Variants in SORBS2 observed in about 807,000 individuals in gnomAD.
SORBS2 encodes sorbin and SH3 domain containing 2, also known as sorbin and SH3 domain-containing protein 2.
Under a neutral mutation model 97.7 loss-of-function variants are expected in SORBS2, and 46 were observed. The observed-to-expected ratio is 0.47, with a 90% CI of 0.37 to 0.60. The LOEUF (loss-of-function observed/expected upper bound fraction) is 0.60, where lower values mean the gene tolerates loss of function less well. Ranked by LOEUF, SORBS2 falls within the 20% of genes least tolerant of loss-of-function variation. The probability of loss-of-function intolerance (pLI) is 0.00; values close to 1 mark genes in which losing one functional copy is unlikely to be tolerated. For synonymous variants in SORBS2, 476 were observed against 473.4 expected (o/e 1.01, Z -0.07); for missense variants, 1,316 against 1,282.3 (o/e 1.03, Z -0.40).
chr4:185,848,336 G>A (rs927858439), intron 1 of SORBS2, among the ~76,000 whole-genome samples: 1 of 152,116 alleles, frequency 6.6e-6, no homozygotes, highest in Non-Finnish European at 1.5e-5. Flanking sequence ...AGAAGTAAAA[G>A]TTATTGGACA....
intron 2 of SORBS2, among the ~76,000 whole-genome samples, chr4:185,758,195 C>T (rs2098842304): frequency 6.6e-6 from 1 of 152,214 alleles, no homozygotes; most frequent in Non-Finnish European, 1.5e-5. Context: ...TTACACTTGA[C>T]TTTTTAAAAT....
chr4:185,727,358 C>G (rs1161801552), intron 2 of SORBS2, among the ~76,000 whole-genome samples: 1 of 152,156 alleles, frequency 6.6e-6, no homozygotes, highest in Non-Finnish European at 1.5e-5. Flanking sequence ...GATTTACCTT[C>G]AAAGTAACAA....
At chr4:185,881,670 T>C (rs2099236951) in intron 1 of SORBS2, among the ~76,000 whole-genome samples, 1 of 152,094 alleles carries the variant, frequency 6.6e-6, no homozygotes, top group South Asian at 2.1e-4. Flanking sequence ...ATGCCAGGAA[T>C]GGAGAAGCAG....
chr4:185,881,914 A>G (rs1385462477), intron 1 of SORBS2, among the ~76,000 whole-genome samples: 1 of 152,308 alleles, frequency 6.6e-6, no homozygotes, highest in East Asian at 1.9e-4. Context: ...TTTGAAACAG[A>G]GGTACAAAAA....
At chr4:185,588,622 C>CCCTCCTCCTCCT (rs1561253138) in intron 14 of SORBS2, among the ~76,000 whole-genome samples, 1 of 64,900 alleles carries the variant, frequency 1.5e-5, no homozygotes, top group African/African-American at 3.5e-5. Flanking sequence ...TCCTCCTCCT[C>CCCTCCTCCTCCT]CTTGTTTTTG....
chr4:185,778,811 A>C (rs1386415248), intron 1 of SORBS2, among the ~76,000 whole-genome samples: 2 of 151,958 alleles, frequency 1.3e-5, no homozygotes, highest in African/African-American at 2.4e-5. Context: ...TTTACATCCC[A>C]AAAGAGGATC....
chr4:185,783,557 C>T (rs2153637418), intron 1 of SORBS2, among the ~76,000 whole-genome samples: 1 of 152,174 alleles, frequency 6.6e-6, no homozygotes, highest in South Asian at 2.1e-4. Flanking sequence ...CAAAGTCAAT[C>T]CATTAAACAA....
intron 2 of SORBS2, among the ~76,000 whole-genome samples, chr4:185,737,808 T>C (rs1371900085): frequency 1.3e-5 from 2 of 152,226 alleles, no homozygotes; most frequent in East Asian, 3.9e-4. Context: ...TGAGGTAAAA[T>C]GGGAAAACAG....
intron 1 of SORBS2, among the ~76,000 whole-genome samples, chr4:185,819,160 G>A (rs1254323049): frequency 6.6e-6 from 1 of 152,224 alleles, no homozygotes; most frequent in Non-Finnish European, 1.5e-5. Flanking sequence ...AAGAGACAGA[G>A]CTATATTTTT....
At chr4:185,647,666 A>T (rs75207666) in intron 3 of SORBS2, among the ~76,000 whole-genome samples, 1,882 of 152,296 alleles carry the variant, frequency 0.012, 44 homozygotes, top group African/African-American at 0.041. Flanking sequence ...AAGAGACAGA[A>T]TTAGGGACAA....
At chr4:185,857,584 C>T (rs1437383157) in intron 1 of SORBS2, among the ~76,000 whole-genome samples, 1 of 152,164 alleles carries the variant, frequency 6.6e-6, no homozygotes. Context: ...GTCTGACTGC[C>T]TGTGGGGTTG....
chr4:185,732,246 G>A (rs1169006713), intron 2 of SORBS2, among the ~76,000 whole-genome samples: 1 of 152,100 alleles, frequency 6.6e-6, no homozygotes, highest in Non-Finnish European at 1.5e-5. Flanking sequence ...GGACACATCA[G>A]GCTTTAGAAA....
chr4:185,947,891 G>A (rs1035040121), intron 1 of SORBS2, among the ~76,000 whole-genome samples: 26 of 152,052 alleles, frequency 1.7e-4, no homozygotes, highest in Non-Finnish European at 3.2e-4. Context: ...GATTACAGGC[G>A]TGAGCCACTA....
At chr4:185,650,186 C>T (rs2097289006) in intron 2 of SORBS2, among the ~76,000 whole-genome samples, 1 of 152,256 alleles carries the variant, frequency 6.6e-6, no homozygotes, top group South Asian at 2.1e-4. Flanking sequence ...GCTTAGAGTG[C>T]ACCTGGGAAA....
chr4:185,874,866 T>TTTTTTTTTTTTTTTTTGC (rs775209042), intron 1 of SORBS2, among the ~76,000 whole-genome samples: 3 of 113,510 alleles, frequency 2.6e-5, no homozygotes, highest in South Asian at 3.2e-4. Flanking sequence ...TGATTTTTTT[T>TTTTTTTTTTTTTTTTTGC]TTTTTTGCAT....
chr4:185,790,328 T>C (rs562236843), intron 1 of SORBS2, among the ~76,000 whole-genome samples: 8 of 152,304 alleles, frequency 5.3e-5, no homozygotes, highest in Admixed American at 4.6e-4. Context: ...ATTCGATCAG[T>C]CTATTAACCC....
exon 12 of SORBS2, chr4:185,611,780 C>T (rs1292704414): frequency 6.2e-7 from 1 of 1,612,972 alleles, no homozygotes; most frequent in Admixed American, 1.7e-5. Flanking sequence ...ATGTTCTTAC[C>T]TTATTTGAGC....
intron 1 of SORBS2, among the ~76,000 whole-genome samples, chr4:185,801,133 A>C (rs1197042983): frequency 1.3e-5 from 2 of 152,164 alleles, no homozygotes; most frequent in African/African-American, 4.8e-5. Flanking sequence ...ATTGTACAGT[A>C]TTTGTCTTTC....
chr4:185,627,363 C>T (rs1203160432), intron 5 of SORBS2, among the ~76,000 whole-genome samples: 1 of 152,140 alleles, frequency 6.6e-6, no homozygotes, highest in African/African-American at 2.4e-5. Flanking sequence ...GTGGGTGCCA[C>T]CTCACCTGGC....
Sources: gnomAD v4.1 joint callset for allele counts (sites outside exome capture counted in the v4.1 genomes callset) on GRCh38, gnomAD v4.1.1 for gene constraint, MANE v1.5 for transcripts, NCBI Gene and HGNC (gene_info 2026-07-23, HGNC 2026-07-21) for gene names.